Variants in ADGRL3 observed in about 807,000 individuals in gnomAD.
ADGRL3 encodes the protein calcium-independent alpha-latrotoxin receptor 3.
In ADGRL3, 62 loss-of-function variants were observed where a neutral mutation model predicts 153.5. The observed-to-expected ratio is 0.40, with a 90% CI of 0.33 to 0.50. The LOEUF is 0.50. Among genes scored for constraint, ADGRL3 ranks in the 20% least tolerant of loss-of-function variants. ADGRL3 has a pLI of 0.47. For synonymous variants in ADGRL3, 710 were observed against 672.5 expected, an observed-to-expected ratio of 1.06 and a Z score of -0.86; for missense variants, 1,641 against 1,859.4, an observed-to-expected ratio of 0.88 and a Z score of 2.16.
At position 61,497,164 on chromosome 4, in the gene ADGRL3, T is replaced by C; in HGVS notation, c.-130T>C. The C allele has an allele frequency of 1.6e-6, 1 of 624,910 alleles. No individual in the cohort carries two copies. The highest frequency in any genetic ancestry group is 2.8e-6 in the Non-Finnish European group (1 of 362,864). The allele number at this position is 624,910 out of a possible 1,614,324, so 38.7% of individuals were successfully genotyped here. ...TGGTGTTTCTGTTTTGGAGAAATTATTCTTTTTCTTTTTAATTTGAAGAAA... is the reference window on the plus strand; with the variant it reads ...TGGTGTTTCTGTTTTGGAGAAATTACTCTTTTTCTTTTTAATTTGAAGAAA... On this transcript the variant is annotated 5_prime_UTR_variant, in exon 3 of 27. Transcript: ENST00000683033.
intron 8 of ADGRL3, among the ~76,000 whole-genome samples, chr4:61,790,163 C>T (rs185664994): frequency 6.6e-6 from 1 of 152,044 alleles, no homozygotes; most frequent in African/African-American, 2.4e-5. Context: ...TCTTTTTTAC[C>T]TGCCTCATGT....
chr4:61,635,904 A>G (rs547063342), intron 5 of ADGRL3, among the ~76,000 whole-genome samples: 49 of 152,236 alleles, frequency 3.2e-4, no homozygotes, highest in South Asian at 3.1e-3. Flanking sequence ...GTATTGGACC[A>G]GGACCTACCA....
At chr4:61,414,418 T>A (rs2097124110) in intron 2 of ADGRL3, among the ~76,000 whole-genome samples, 1 of 152,168 alleles carries the variant, frequency 6.6e-6, no homozygotes, top group Non-Finnish European at 1.5e-5. Context: ...TTTGAGGGCT[T>A]TCTGTATTCC....
intron 1 of ADGRL3, among the ~76,000 whole-genome samples, chr4:61,370,929 A>T (rs889483825): frequency 2.0e-5 from 3 of 150,078 alleles, no homozygotes; most frequent in Non-Finnish European, 4.5e-5. Flanking sequence ...TTGGGTGCAT[A>T]TATATTTAGG....
chr4:61,407,758 C>T (rs969447210), intron 2 of ADGRL3, among the ~76,000 whole-genome samples: 2 of 152,116 alleles, frequency 1.3e-5, no homozygotes, highest in Non-Finnish European at 2.9e-5. Context: ...TTTACAAACA[C>T]ATGCATTTAA....
chr4:62,021,166 A>G (rs1442174737), intron 21 of ADGRL3, among the ~76,000 whole-genome samples: 3 of 152,130 alleles, frequency 2.0e-5, no homozygotes, highest in Non-Finnish European at 4.4e-5. Context: ...CACAACAGCA[A>G]TTATAATAGC....
chr4:61,793,579 G>T (rs1419685451), intron 8 of ADGRL3, among the ~76,000 whole-genome samples: 4 of 152,056 alleles, frequency 2.6e-5, no homozygotes, highest in Non-Finnish European at 5.9e-5. Context: ...TGAGATTTGG[G>T]TGGGGACACA....
intron 17 of ADGRL3, among the ~76,000 whole-genome samples, chr4:61,955,223 T>C (rs1042478862): frequency 6.6e-6 from 1 of 152,194 alleles, no homozygotes; most frequent in Admixed American, 6.5e-5. Flanking sequence ...TGAGTAACTA[T>C]TTTTCAGTGA....
At chr4:61,844,578 ATATAT>A (rs2098090200) in intron 9 of ADGRL3, among the ~76,000 whole-genome samples, 2 of 93,508 alleles carry the variant, frequency 2.1e-5, no homozygotes, top group South Asian at 3.6e-4. Flanking sequence ...AAAAAAAAAT[ATATAT>A]ATATATATAT....
chr4:61,231,750 T>C (rs1750750661), intron 1 of ADGRL3, among the ~76,000 whole-genome samples: 1 of 152,058 alleles, frequency 6.6e-6, no homozygotes, highest in South Asian at 2.1e-4. Flanking sequence ...ATGTTCTTCA[T>C]TTTATCCTTT....
intron 5 of ADGRL3, among the ~76,000 whole-genome samples, chr4:61,666,882 C>T (rs549355986): frequency 6.6e-6 from 1 of 152,150 alleles, no homozygotes; most frequent in East Asian, 1.9e-4. Flanking sequence ...GATGTCATTC[C>T]AGTTATTTTT....
At chr4:61,344,523 A>T (rs1195037615) in intron 1 of ADGRL3, among the ~76,000 whole-genome samples, 1 of 152,190 alleles carries the variant, frequency 6.6e-6, no homozygotes, top group Admixed American at 6.5e-5. Context: ...CCTTGAAAAG[A>T]ACTTTCAAAT....
chr4:61,839,367 T>A (rs561798009), intron 9 of ADGRL3, among the ~76,000 whole-genome samples: 87 of 151,968 alleles, frequency 5.7e-4, no homozygotes, highest in African/African-American at 1.4e-3. Context: ...ATTTTTTTTT[T>A]AATTTTTTGT....
intron 4 of ADGRL3, among the ~76,000 whole-genome samples, chr4:61,537,607 A>G (rs1438238736): frequency 6.6e-6 from 1 of 152,120 alleles, no homozygotes; most frequent in Non-Finnish European, 1.5e-5. Context: ...AATTCAAAAG[A>G]CAGGGCTCCA....
At chr4:61,845,569 T>C (rs759800329) in intron 9 of ADGRL3, among the ~76,000 whole-genome samples, 10 of 151,398 alleles carry the variant, frequency 6.6e-5, no homozygotes, top group Non-Finnish European at 1.3e-4. Context: ...TCTTACTATG[T>C]TGCCCAGGCA....
At chr4:61,712,013 T>C (rs1210718956) in intron 6 of ADGRL3, among the ~76,000 whole-genome samples, 3 of 119,494 alleles carry the variant, frequency 2.5e-5, no homozygotes, top group Non-Finnish European at 3.4e-5. Flanking sequence ...GTTTTAGGAA[T>C]CATTGCAACA....
At chr4:61,422,194 T>C (rs1349796030) in intron 2 of ADGRL3, among the ~76,000 whole-genome samples, 4 of 152,200 alleles carry the variant, frequency 2.6e-5, no homozygotes, top group Non-Finnish European at 5.9e-5. Context: ...CTGGGGAGTC[T>C]TGAGAATTTT....
chr4:61,621,641 C>T lies in ADGRL3; in HGVS notation c.473+34201C>T, dbSNP rs76025042. Among the ~76,000 whole-genome samples the T allele has an allele frequency of 5.7e-3, 865 of 152,116 alleles. 17 individuals are homozygous for T. In the South Asian group the frequency reaches 0.061, roughly 11 times the overall value. On this transcript the variant is annotated intron_variant, in intron 5 of 26. Coordinates refer to ENST00000683033, the MANE Select transcript of ADGRL3 (RefSeq NM_001387552.1). ...GAAAATCTTTGTAAATAACTGTTCT[C>T]GGTTTGACAAACATAGCCCTTTTTT...
chr4:61,839,491 T>C (rs2097992410), intron 9 of ADGRL3, among the ~76,000 whole-genome samples: 2 of 152,138 alleles, frequency 1.3e-5, no homozygotes, highest in African/African-American at 4.8e-5. Context: ...CCACTGTACC[T>C]GGCCATGTGA....
Sources: gnomAD v4.1 joint callset for allele counts (sites outside exome capture counted in the v4.1 genomes callset) on GRCh38, gnomAD v4.1.1 for gene constraint, MANE v1.5 for transcripts, NCBI Gene and HGNC (gene_info 2026-07-23, HGNC 2026-07-21) for gene names.